LCOR: variants seen among roughly 807,000 people sequenced by gnomAD.
The protein encoded by LCOR is ligand-dependent corepressor.
LCOR carries 14 observed loss-of-function variants against 64.4 expected under a neutral mutation model. The ratio of observed to expected loss-of-function variants is 0.22; its 90% CI spans 0.14 to 0.34. LCOR has a LOEUF of 0.34. Ranked by LOEUF, LCOR falls within the 10% of genes least tolerant of loss-of-function variation. The pLI is 1.00. For synonymous variants in LCOR, 643 were observed against 642.5 expected (o/e 1.00, Z -0.01); for missense variants, 1,686 against 1,765.3 (o/e 0.96, Z 0.80).
intron 2 of LCOR, among the ~76,000 whole-genome samples, chr10:96,870,795 G>A (rs534456019): frequency 5.9e-5 from 9 of 152,092 alleles, no homozygotes; most frequent in Non-Finnish European, 8.8e-5. Flanking sequence ...GAATCAAGTC[G>A]CTCATGAGTT....
At chr10:96,897,127 A>T (rs1329763382) in intron 2 of LCOR, among the ~76,000 whole-genome samples, 6 of 151,480 alleles carry the variant, frequency 4.0e-5, no homozygotes. Context: ...ACCCAAAAGA[A>T]TGCTTACCTC....
chr10:96,918,933 C>T (rs569343872), intron 4 of LCOR, among the ~76,000 whole-genome samples: 1 of 152,022 alleles, frequency 6.6e-6, no homozygotes, highest in African/African-American at 2.4e-5. Flanking sequence ...CTAGTTACAT[C>T]AGCAACAAAA....
chr10:96,975,366 G>A (rs1848029703), intron 7 of LCOR, among the ~76,000 whole-genome samples: 1 of 152,034 alleles, frequency 6.6e-6, no homozygotes, highest in Non-Finnish European at 1.5e-5. Context: ...AGATCGAAGG[G>A]AAGCTGTTGG....
rs1023022012 is a variant in LCOR, at chr10:96,985,280, A to T, written c.*146A>T. ...CGTAATTTGAGATGTCAGAAAATGC[A>T]TCTCAGATGGAGAAGGGAACTTGCA... On this transcript the variant is annotated 3_prime_UTR_variant, in exon 8 of 8. Coordinates refer to ENST00000421806, the MANE Select transcript of LCOR (RefSeq NM_001346516.2). 1.4e-5 allele frequency: 14 copies of T among 1,011,726 alleles called. No homozygotes were observed. 62.7% of individuals were successfully genotyped at this position (1,011,726 alleles called of 1,614,324 possible).
At chr10:96,948,968 C>T in intron 5 of LCOR, 40 bp from the exon 6 acceptor site, 4 of 1,445,996 alleles carry the variant, frequency 2.8e-6, no homozygotes, top group Non-Finnish European at 3.7e-6. Context: ...TTTTTTAGTA[C>T]ATTGTCCCAC....
intron 4 of LCOR, among the ~76,000 whole-genome samples, chr10:96,923,633 G>C (rs1417298381): frequency 1.3e-5 from 2 of 152,170 alleles, no homozygotes; most frequent in Non-Finnish European, 2.9e-5. Context: ...TTTCGGAAAT[G>C]TTCATCTTTA....
At chr10:96,868,025 C>A (rs759409681) in intron 2 of LCOR, among the ~76,000 whole-genome samples, 33 of 151,918 alleles carry the variant, frequency 2.2e-4, no homozygotes, top group Non-Finnish European at 4.0e-4. Context: ...GCTGGGATTA[C>A]AGGCATGCAC....
chr10:96,891,699 C>A (rs115332951), intron 2 of LCOR, among the ~76,000 whole-genome samples: 3 of 151,626 alleles, frequency 2.0e-5, no homozygotes, highest in African/African-American at 4.8e-5. Context: ...CACGCCACCA[C>A]GTCCAACTAA....
chr10:96,897,785 C>A (rs942276962), intron 2 of LCOR, among the ~76,000 whole-genome samples: 1 of 151,710 alleles, frequency 6.6e-6, no homozygotes, highest in Admixed American at 6.6e-5. Flanking sequence ...TGTTTGTGGG[C>A]CAGCAAAAAG....
chr10:96,945,971 G>A (rs1847583748), intron 5 of LCOR, among the ~76,000 whole-genome samples: 1 of 151,524 alleles, frequency 6.6e-6, no homozygotes, highest in Admixed American at 6.6e-5. Flanking sequence ...AACCTTTAGG[G>A]GAGGAATTCT....
intron 7 of LCOR, among the ~76,000 whole-genome samples, chr10:96,979,673 G>T (rs960417830): frequency 1.3e-5 from 2 of 152,214 alleles, no homozygotes; most frequent in Admixed American, 6.5e-5. Flanking sequence ...GTACAGTTTA[G>T]TGTGGCTTCA....
chr10:96,936,039 C>G (rs1042114943), intron 4 of LCOR, among the ~76,000 whole-genome samples: 1 of 152,232 alleles, frequency 6.6e-6, no homozygotes, highest in African/African-American at 2.4e-5. Flanking sequence ...GGCAGCCTCC[C>G]GAGCCACAGT....
chr10:96,876,102 CAG>C (rs1260728724), intron 2 of LCOR, among the ~76,000 whole-genome samples: 3 of 151,014 alleles, frequency 2.0e-5, no homozygotes, highest in African/African-American at 7.3e-5. Flanking sequence ...GTTGCTATGA[CAG>C]AATACCTGAG....
Position 96,907,252 on chromosome 10 carries a change from T to A in LCOR, c.-329-13T>A. On this transcript the variant is annotated splice_polypyrimidine_tract_variant and intron_variant, in intron 2 of 7. Coordinates refer to ENST00000421806, the MANE Select transcript of LCOR (RefSeq NM_001346516.2). ...TATTATTGTGGTAATGGATTTTGTT[T>A]TTATCCTTTCAGGGTTTGAAAGTAT... 2 of 949,174 alleles carry A rather than the reference T, an allele frequency of 2.1e-6. No homozygotes were observed. Among genetic ancestry groups the A allele is most frequent in the Middle Eastern group, 1.1e-3 (2 of 1,856 alleles). The allele number at this position is 949,174 out of a possible 1,614,324, so 58.8% of individuals were successfully genotyped here.
chr10:96,835,422 T>C (rs1041534191), intron 2 of LCOR, among the ~76,000 whole-genome samples: 4 of 152,232 alleles, frequency 2.6e-5, no homozygotes, highest in Non-Finnish European at 4.4e-5. Context: ...CAGTAACATA[T>C]ATTCATAGTC....
chr10:96,970,379 A>G (rs1847988205), intron 7 of LCOR, among the ~76,000 whole-genome samples: 1 of 152,092 alleles, frequency 6.6e-6, no homozygotes, highest in Non-Finnish European at 1.5e-5. Context: ...CTTGGGCTAC[A>G]GACTGAGACG....
rs1362587553 is a variant in LCOR, at chr10:96,984,406, A to G, written c.3946A>G (p.Ile1316Val). The G allele has an allele frequency of 6.2e-7, 1 of 1,614,098 alleles. No homozygotes were observed. The highest frequency in any genetic ancestry group is 8.5e-7 in the Non-Finnish European group (1 of 1,180,034). The change falls in exon 8 of 8, where the codon ATT (isoleucine) becomes GTT (valine). Residue 1316 changes from isoleucine (I) to valine (V), a missense_variant. Ile to Val is a conservative substitution (Grantham distance 29). Coordinates refer to ENST00000421806, the MANE Select transcript of LCOR (RefSeq NM_001346516.2). ...CCGGATTCTTAGAAAATATTCCAAT[A>G]TTCGAGGAAAGCTCAGAGCCCAGCA... ...STRILRKYSN[I>V]RGKLRAQQRL...
intron 2 of LCOR, among the ~76,000 whole-genome samples, chr10:96,841,059 G>A (rs765124293): frequency 3.2e-4 from 48 of 152,178 alleles, no homozygotes; most frequent in Non-Finnish European, 5.9e-4. Flanking sequence ...TGGGAGGATC[G>A]CTTGAGCCCA....
At chr10:96,910,180 A>G (rs1160385469) in intron 4 of LCOR, among the ~76,000 whole-genome samples, 1 of 152,228 alleles carries the variant, frequency 6.6e-6, no homozygotes, top group Admixed American at 6.5e-5. Flanking sequence ...CTACAGGTAC[A>G]TGCCACCATA....
Sources: gnomAD v4.1 joint callset for allele counts (sites outside exome capture counted in the v4.1 genomes callset) on GRCh38, gnomAD v4.1.1 for gene constraint, MANE v1.5 for transcripts, NCBI Gene and HGNC (gene_info 2026-07-23, HGNC 2026-07-21) for gene names.